The following ABCA10 variants were observed in gnomAD, a reference collection of about 807,000 sequenced individuals.
ABCA10 encodes the protein ATP-binding cassette sub-family A member 10.
ABCA10 carries 169 observed loss-of-function variants against 187.5 expected under a neutral mutation model. That is an observed-to-expected ratio of 0.90 (90% confidence interval 0.80 to 1.02). The LOEUF (loss-of-function observed/expected upper bound fraction) is 1.02, where lower values mean the gene tolerates loss of function less well. Among genes scored for constraint, ABCA10 ranks in the 50% least tolerant of loss-of-function variants. The pLI is 0.00. For synonymous variants in ABCA10, 574 were observed against 601.8 expected, an observed-to-expected ratio of 0.95 and a Z score of 0.68; for missense variants, 1,727 against 1,812.4, an observed-to-expected ratio of 0.95 and a Z score of 0.86.
At chr17:69,223,319 A>G (rs12709242) in intron 3 of ABCA10, among the ~76,000 whole-genome samples, 144,573 of 152,234 alleles carry the variant, frequency 0.95, 68,769 homozygotes, top group African/African-American at 0.99. Context: ...TGTATACAAA[A>G]AATCAGAGTA....
intron 3 of ABCA10, among the ~76,000 whole-genome samples, chr17:69,223,276 A>ATACC (rs2074765105): frequency 6.6e-6 from 1 of 151,954 alleles, no homozygotes; most frequent in African/African-American, 2.4e-5. Context: ...TTATAAACTG[A>ATACC]TATCACATGA....
At position 69,199,862 on chromosome 17, in the gene ABCA10, G is replaced by A. The variant is rs139149666; in HGVS notation, c.1175+1638C>T. ...CAATACTAAATTTTCTGTTGTCAAC[G>A]TAATTTCTATAAGAATTAATACCAA... is the stretch of plus-strand genomic sequence containing the variant. On this transcript the variant is annotated intron_variant, in intron 10 of 38. Coordinates refer to ENST00000690296, the MANE Select transcript of ABCA10 (RefSeq NM_001377321.1). Among the ~76,000 whole-genome samples the A allele has an allele frequency of 1.9e-3, 282 of 152,262 alleles. 2 individuals are homozygous for A. The highest frequency in any genetic ancestry group is 6.3e-3 in the African/African-American group (262 of 41,556).
Position 69,182,219 on chromosome 17 carries a change from G to A in ABCA10, c.2703C>T (p.Ser901=). 1.9e-6 allele frequency: 3 copies of A among 1,600,636 alleles called. No homozygotes were observed. The highest frequency in any genetic ancestry group is 2.6e-6 in the Non-Finnish European group (3 of 1,172,712). ...NCFPVLMGIV[S]NALMGIFNFT... ...AGTTAAAAATTCCCATAAGGGCATT[G>A]CTAACAATTCCCATAAGAACAGGAA... Residue 901 remains serine (S), a synonymous_variant, in exon 22 of 39, where the codon AGC becomes AGT. Transcript: ENST00000690296.
In ABCA10 at chr17:69,201,683, T is replaced by C; in HGVS notation, c.1007-15A>G. 2 of 1,567,992 alleles carry C rather than the reference T, an allele frequency of 1.3e-6. No homozygotes were observed. Among genetic ancestry groups the C allele is most frequent in the Non-Finnish European group, 1.7e-6 (2 of 1,153,778 alleles). ...GCCATCTTTATCTAATTAATTAAGA[T>C]ACAATTACATATTGCATCAATTATA... is the stretch of plus-strand genomic sequence containing the variant. On this transcript the variant is annotated splice_polypyrimidine_tract_variant and intron_variant, in intron 9 of 38. Coordinates refer to ENST00000690296, the MANE Select transcript of ABCA10 (RefSeq NM_001377321.1).
At chr17:69,194,570 A>G in intron 11 of ABCA10, 75 bp from the exon 12 acceptor site, 1 of 938,644 alleles carries the variant, frequency 1.1e-6, no homozygotes, top group East Asian at 2.5e-5. Flanking sequence ...TTGGAAAAGT[A>G]AAATATATCT....
rs1269981318 is a variant in ABCA10 at position 69,211,168 on chromosome 17, C to T, written c.1006+3536G>A. Reference sequence around the variant, plus strand: ...AAAAGAAATCACTACATGAAAAAGACACTTGCATATGAATGTTTATTGCAG... The same window carrying T: ...AAAAGAAATCACTACATGAAAAAGATACTTGCATATGAATGTTTATTGCAG... On this transcript the variant is annotated intron_variant, in intron 9 of 38. Transcript: ENST00000690296. Among the ~76,000 whole-genome samples the T allele has an allele frequency of 2.6e-5, 4 of 151,094 alleles. 1 individual carries two copies. Among genetic ancestry groups the T allele is most frequent in the Middle Eastern group, 6.8e-3 (2 of 292 alleles).
chr17:69,156,680 T>G, intron 28 of ABCA10, 152 bp downstream of exon 28: 1 of 355,778 alleles, frequency 2.8e-6, no homozygotes, highest in Non-Finnish European at 5.0e-6. Context: ...AGATTAAATA[T>G]TTAAATTACA....
At chr17:69,226,218 G>A (rs991808403) in intron 2 of ABCA10, among the ~76,000 whole-genome samples, 1 of 152,062 alleles carries the variant, frequency 6.6e-6, no homozygotes, top group African/African-American at 2.4e-5. Context: ...ACAGAGAGAT[G>A]AAGCAAAGAT....
intron 27 of ABCA10, 37 bp downstream of exon 27, chr17:69,164,037 A>G (rs1032486331): frequency 3.1e-5 from 45 of 1,467,054 alleles, no homozygotes; most frequent in Non-Finnish European, 4.1e-5. Context: ...TATGAATCTT[A>G]TGCAATATAT....
chr17:69,148,971 C>G (rs1346940329), intron 38 of ABCA10, 46 bp from the exon 39 acceptor site: 2 of 1,612,486 alleles, frequency 1.2e-6, no homozygotes, highest in Non-Finnish European at 1.7e-6. Flanking sequence ...CAGGGTGTGT[C>G]TGAAAGATGG....
chr17:69,225,382 C>G lies in ABCA10; in HGVS notation c.-24G>C, dbSNP rs2074785898. The G allele has an allele frequency of 1.2e-6, 2 of 1,612,488 alleles. No individual in the cohort carries two copies. Among genetic ancestry groups the G allele is most frequent in the African/African-American group, 1.3e-5 (1 of 74,820 alleles). ...ATTATCCTTTGTGTTATGTTACTGACTGGTGTATATGCCACTACCAGGCCA... is the reference window on the plus strand; with the variant it reads ...ATTATCCTTTGTGTTATGTTACTGAGTGGTGTATATGCCACTACCAGGCCA... On this transcript the variant is annotated 5_prime_UTR_variant, in exon 3 of 39. Coordinates refer to ENST00000690296, the MANE Select transcript of ABCA10 (RefSeq NM_001377321.1).
chr17:69,150,972 GT>G (rs1230727843), intron 36 of ABCA10, among the ~76,000 whole-genome samples: 8 of 152,092 alleles, frequency 5.3e-5, no homozygotes, highest in Non-Finnish European at 1.0e-4. Context: ...AGCTCCTGGG[GT>G]TCATCCGACT....
chr17:69,204,660 A>G (rs9898868), intron 9 of ABCA10, among the ~76,000 whole-genome samples: 113,523 of 152,170 alleles, frequency 0.75, 42,887 homozygotes, highest in African/African-American at 0.84. Flanking sequence ...TTAACCCATC[A>G]TAGGCTTCAA....
intron 24 of ABCA10, 45 bp from the exon 25 acceptor site, chr17:69,174,439 A>G: frequency 1.3e-6 from 2 of 1,512,458 alleles, no homozygotes; most frequent in Non-Finnish European, 1.8e-6. Context: ...ATGGCAGGTC[A>G]TAGAGGGAAA....
intron 21 of ABCA10, 21 bp from the exon 22 acceptor site, chr17:69,182,311 T>C (rs914273953): frequency 2.8e-6 from 4 of 1,432,730 alleles, no homozygotes; most frequent in East Asian, 2.6e-5. Context: ...AGTACACAAA[T>C]ATAAGTTATA....
intron 22 of ABCA10, among the ~76,000 whole-genome samples, chr17:69,177,858 A>C (rs2144783659): frequency 6.7e-6 from 1 of 149,584 alleles, no homozygotes. Context: ...TGGGAGGCTG[A>C]GGCAGGAGAA....
chr17:69,216,733 G>A (rs774606830), intron 6 of ABCA10, among the ~76,000 whole-genome samples: 1 of 151,980 alleles, frequency 6.6e-6, no homozygotes, highest in South Asian at 2.1e-4. Context: ...TATATAAAAT[G>A]TCAGTGGAAA....
At chr17:69,171,172 C>A (rs545842676) in intron 25 of ABCA10, among the ~76,000 whole-genome samples, 1 of 152,218 alleles carries the variant, frequency 6.6e-6, no homozygotes, top group East Asian at 1.9e-4. Context: ...AGGCAATAAG[C>A]ACTAGATGAC....
intron 25 of ABCA10, among the ~76,000 whole-genome samples, chr17:69,173,184 C>T (rs1399203382): frequency 6.6e-6 from 1 of 152,120 alleles, no homozygotes; most frequent in Admixed American, 6.5e-5. Flanking sequence ...GAAGACATTA[C>T]CCTTGGTTAT....
Sources: allele counts gnomAD v4.1 joint callset (sites outside exome capture counted in the v4.1 genomes callset), GRCh38; gene constraint gnomAD v4.1.1; transcripts MANE v1.5; gene names NCBI Gene and HGNC (gene_info 2026-07-23, HGNC 2026-07-21).